The following AAK1 variants were observed in gnomAD, a reference collection of about 807,000 sequenced individuals.
AAK1 encodes the protein AP2-associated protein kinase 1.
In AAK1, 37 loss-of-function variants were observed where a neutral mutation model predicts 116.0. The ratio of observed to expected loss-of-function variants is 0.32; its 90% confidence interval spans 0.25 to 0.42. The LOEUF (loss-of-function observed/expected upper bound fraction) is 0.42. AAK1 is among the 10% of genes least tolerant of loss of function. The pLI is 1.00. For missense variants in AAK1, 919 were observed against 1,170.6 expected (o/e 0.79, Z 3.14); for synonymous variants, 458 against 439.9 (o/e 1.04, Z -0.51).
chr2:69,634,990 T>G (rs188171613), intron 2 of AAK1, among the ~76,000 whole-genome samples: 1 of 152,298 alleles, frequency 6.6e-6, no homozygotes, highest in African/African-American at 2.4e-5. Flanking sequence ...TTTATTTATT[T>G]TCATTTTAAA....
chr2:69,508,854 T>C (rs1676286396), intron 14 of AAK1, among the ~76,000 whole-genome samples: 1 of 152,216 alleles, frequency 6.6e-6, no homozygotes, highest in African/African-American at 2.4e-5. Context: ...TTAAGCAGTG[T>C]GCTCAGCTAT....
At chr2:69,548,005 G>A (rs1671000305) in intron 3 of AAK1, among the ~76,000 whole-genome samples, 1 of 152,094 alleles carries the variant, frequency 6.6e-6, no homozygotes, top group South Asian at 2.1e-4. Context: ...GACACAAGAG[G>A]TCAAATATTG....
At chr2:69,577,752 T>C (rs1430668229) in intron 2 of AAK1, among the ~76,000 whole-genome samples, 1 of 152,156 alleles carries the variant, frequency 6.6e-6, no homozygotes, top group Non-Finnish European at 1.5e-5. Context: ...GCAAGACTTC[T>C]CTTAATCCCC....
chr2:69,524,893 C>T, intron 10 of AAK1, 140 bp downstream of exon 10: 1 of 738,640 alleles, frequency 1.4e-6, no homozygotes, highest in South Asian at 1.8e-5. Context: ...CCGTTTCTGC[C>T]TAGGCAAGAC....
At position 69,509,655 on chromosome 2, in the gene AAK1, T is replaced by A. The variant is rs60332166; in HGVS notation, c.1777-195A>T. Among the ~76,000 whole-genome samples, 49 of 152,286 alleles carry A rather than the reference T, an allele frequency of 3.2e-4. 1 individual carries two copies. The East Asian group carries it at 7.5e-3, about 23-fold the overall frequency. On this transcript the variant is annotated intron_variant, in intron 13 of 21. Coordinates refer to ENST00000409085, the MANE Select transcript of AAK1 (RefSeq NM_014911.5). ...ACAATCTGTGCTGCAACTTTGAGAC[T>A]GATAACAACATGGTATTTGCCTGAT...
At chr2:69,572,816 C>G (rs1393497254) in intron 2 of AAK1, among the ~76,000 whole-genome samples, 4 of 152,034 alleles carry the variant, frequency 2.6e-5, no homozygotes, top group Non-Finnish European at 5.9e-5. Flanking sequence ...TCCAAAAGAC[C>G]TGAGAGGTCA....
At position 69,493,158 on chromosome 2, in the gene AAK1, C is replaced by CA. The variant is rs574490585; in HGVS notation, c.2365+2826dup. ...TGGGCGACAGAGCGAGACTCCGTCT[C>CA]AAAAAAAAAAAAAAAAAAAGGATGC... On this transcript the variant is annotated intron_variant, in intron 17 of 21. Coordinates refer to ENST00000409085, the MANE Select transcript of AAK1 (RefSeq NM_014911.5). 7.6e-3 allele frequency among the ~76,000 whole-genome samples: 285 copies of CA among 37,282 alleles called. 36 individuals carry two copies. The highest frequency in any genetic ancestry group is 0.03 in the South Asian group (22 of 734). The allele number at this position is 37,282 out of a possible 152,430, so 24.5% of individuals were successfully genotyped here. A position where few individuals can be genotyped will look rare whatever the true frequency, so the allele number is the denominator to read the frequency against.
At chr2:69,505,122 TGC>T (rs1340277759) in intron 16 of AAK1, among the ~76,000 whole-genome samples, 2 of 141,260 alleles carry the variant, frequency 1.4e-5, no homozygotes, top group African/African-American at 5.9e-5. Context: ...TGCGTGCGTG[TGC>T]GCACACACAC....
rs534768105 is a variant in AAK1, at chr2:69,470,861, T to G, written c.*5008A>C. 1 of 985,878 alleles carries G rather than the reference T, an allele frequency of 1.0e-6. No homozygotes were observed. Among genetic ancestry groups the G allele is most frequent in the African/African-American group, 1.7e-5 (1 of 57,364 alleles). 61.1% of individuals were successfully genotyped at this position (985,878 alleles called of 1,614,324 possible). ...AAATCCTTTCTGCAAAAAAGTGGGTTTTCAGCTCAGGAAAAGAGCAACTTA... is the reference window on the plus strand; with the variant it reads ...AAATCCTTTCTGCAAAAAAGTGGGTGTTCAGCTCAGGAAAAGAGCAACTTA... On this transcript the variant is annotated 3_prime_UTR_variant, in exon 22 of 22. Coordinates refer to ENST00000409085, the MANE Select transcript of AAK1 (RefSeq NM_014911.5).
intron 2 of AAK1, among the ~76,000 whole-genome samples, chr2:69,608,552 G>C (rs530213377): frequency 1.3e-5 from 2 of 152,308 alleles, no homozygotes; most frequent in Admixed American, 6.5e-5. Context: ...AAATAGGAAA[G>C]ACTGAATGGA....
At chr2:69,572,017 A>C (rs943916508) in intron 2 of AAK1, among the ~76,000 whole-genome samples, 4 of 152,262 alleles carry the variant, frequency 2.6e-5, no homozygotes, top group African/African-American at 9.6e-5. Context: ...ATGAAATAAA[A>C]GCCCAGCCAC....
intron 2 of AAK1, among the ~76,000 whole-genome samples, chr2:69,614,154 C>G (rs1674212775): frequency 6.6e-6 from 1 of 152,104 alleles, no homozygotes; most frequent in Non-Finnish European, 1.5e-5. Context: ...AGACAAGCAA[C>G]AAAGAATTCA....
chr2:69,501,094 A>G (rs1053162194), intron 16 of AAK1, among the ~76,000 whole-genome samples: 7 of 152,182 alleles, frequency 4.6e-5, no homozygotes, highest in African/African-American at 1.7e-4. Flanking sequence ...ACCCAGGTCC[A>G]TGGCTAATCA....
At position 69,532,121 on chromosome 2, in the gene AAK1, C is replaced by G. The variant is rs779624921; in HGVS notation, c.576G>C (p.Leu192=). ...TGTTGGTGGCGCTTCCAAAGTCACA[C>G]AGGACATAGTGGCCTCGGTCATGCA... The part of the protein sequence containing the change: ...ILLHDRGHYV[L]CDFGSATNKF... Residue 192 remains leucine (L), a synonymous_variant, in exon 6 of 22, where the codon CTG becomes CTC. Coordinates refer to ENST00000409085, the MANE Select transcript of AAK1 (RefSeq NM_014911.5). 6 of 1,613,696 alleles carry G rather than the reference C, an allele frequency of 3.7e-6. No individual in the cohort carries two copies. Among genetic ancestry groups the G allele is most frequent in the Non-Finnish European group, 5.1e-6 (6 of 1,179,652 alleles).
At chr2:69,590,131 A>G (rs1672966305) in intron 2 of AAK1, among the ~76,000 whole-genome samples, 1 of 151,764 alleles carries the variant, frequency 6.6e-6, no homozygotes, top group African/African-American at 2.4e-5. Flanking sequence ...TAAAAACAAG[A>G]CTCCATCATC....
intron 14 of AAK1, 53 bp from the exon 15 acceptor site, chr2:69,507,631 C>G (rs911058658): frequency 1.6e-5 from 23 of 1,421,730 alleles, no homozygotes; most frequent in Non-Finnish European, 1.9e-5. Context: ...TTGAACAAAA[C>G]AAAAAGGGTC....
chr2:69,480,472 G>T (rs1353245994), intron 19 of AAK1, among the ~76,000 whole-genome samples: 1 of 152,068 alleles, frequency 6.6e-6, no homozygotes, highest in Non-Finnish European at 1.5e-5. Flanking sequence ...GAGCTCCACG[G>T]ACATCACTGG....
At chr2:69,603,363 G>C (rs975558339) in intron 2 of AAK1, among the ~76,000 whole-genome samples, 1 of 152,072 alleles carries the variant, frequency 6.6e-6, no homozygotes, top group African/African-American at 2.4e-5. Flanking sequence ...GAGCCAGCAC[G>C]CAAGAAACAG....
intron 17 of AAK1, among the ~76,000 whole-genome samples, chr2:69,483,798 C>T (rs1675186286): frequency 6.6e-6 from 1 of 152,194 alleles, no homozygotes; most frequent in Non-Finnish European, 1.5e-5. Context: ...TTGATGTCTT[C>T]TGGCCAAGAA....
Sources: gnomAD v4.1 joint callset for allele counts (sites outside exome capture counted in the v4.1 genomes callset) on GRCh38, gnomAD v4.1.1 for gene constraint, MANE v1.5 for transcripts, NCBI Gene and HGNC (gene_info 2026-07-23, HGNC 2026-07-21) for gene names.